MMP16: variants seen among roughly 807,000 people sequenced by gnomAD.
The protein encoded by MMP16 is matrix metalloproteinase-16.
Under a neutral mutation model 67.8 loss-of-function variants are expected in MMP16, and 12 were observed. That is an observed-to-expected ratio of 0.18 (90% CI 0.11 to 0.29). MMP16 has a LOEUF of 0.29. MMP16 is among the 10% of genes least tolerant of loss of function. The pLI is 1.00. For synonymous variants in MMP16, 249 were observed against 255.9 expected (o/e 0.97, Z 0.26); for missense variants, 475 against 765.7 (o/e 0.62, Z 4.48).
chr8:88,254,388 A>G (rs1335461657), intron 1 of MMP16, among the ~76,000 whole-genome samples: 1 of 151,926 alleles, frequency 6.6e-6, no homozygotes, highest in Non-Finnish European at 1.5e-5. Context: ...GAAATAATCC[A>G]TACAACAAAC....
chr8:88,259,723 T>C (rs1270292993), intron 1 of MMP16, among the ~76,000 whole-genome samples: 1 of 152,150 alleles, frequency 6.6e-6, no homozygotes, highest in Non-Finnish European at 1.5e-5. Context: ...TTAAATACTA[T>C]GCGGACATAA....
intron 1 of MMP16, among the ~76,000 whole-genome samples, chr8:88,248,136 T>C (rs1810149211): frequency 6.6e-6 from 1 of 152,068 alleles, no homozygotes. Context: ...TCTGTCATCA[T>C]CTACCCACTT....
chr8:88,201,362 T>G (rs1313843134), intron 1 of MMP16, among the ~76,000 whole-genome samples: 2 of 152,068 alleles, frequency 1.3e-5, no homozygotes, highest in Non-Finnish European at 2.9e-5. Context: ...ATTTCAAGTA[T>G]AGTTAATTTC....
intron 6 of MMP16, among the ~76,000 whole-genome samples, chr8:88,081,316 AT>A (rs1224308668): frequency 6.6e-6 from 1 of 152,214 alleles, no homozygotes; most frequent in African/African-American, 2.4e-5. Context: ...GAACTGACTC[AT>A]TCTTTTAGTC....
At chr8:88,201,747 G>A (rs748090619) in intron 1 of MMP16, among the ~76,000 whole-genome samples, 13 of 151,956 alleles carry the variant, frequency 8.6e-5, no homozygotes, top group East Asian at 1.9e-4. Flanking sequence ...ACTTATAAAC[G>A]CACTGGCTAA....
At chr8:88,245,627 C>A (rs1300618584) in intron 1 of MMP16, among the ~76,000 whole-genome samples, 1 of 152,150 alleles carries the variant, frequency 6.6e-6, no homozygotes, top group Non-Finnish European at 1.5e-5. Context: ...TCAGCAGAGT[C>A]CCCTAAAATG....
At chr8:88,205,923 C>A (rs1001955555) in intron 1 of MMP16, among the ~76,000 whole-genome samples, 1 of 151,908 alleles carries the variant, frequency 6.6e-6, no homozygotes, top group Non-Finnish European at 1.5e-5. Flanking sequence ...ATTCTTTTTT[C>A]TTTTACCTCA....
At chr8:88,305,178 A>C (rs542365754) in intron 1 of MMP16, among the ~76,000 whole-genome samples, 1 of 152,202 alleles carries the variant, frequency 6.6e-6, no homozygotes, top group Non-Finnish European at 1.5e-5. Flanking sequence ...TAAACCAACA[A>C]AGATCAAAAA....
chr8:88,225,588 T>C (rs1809756545), intron 1 of MMP16, among the ~76,000 whole-genome samples: 1 of 151,990 alleles, frequency 6.6e-6, no homozygotes, highest in African/African-American at 2.4e-5. Context: ...TACATCATGA[T>C]CATTTCCATG....
intron 1 of MMP16, among the ~76,000 whole-genome samples, chr8:88,269,599 T>C (rs1563579343): frequency 6.6e-6 from 1 of 152,194 alleles, no homozygotes; most frequent in South Asian, 2.1e-4. Context: ...CAATTGTTAC[T>C]ATACAACAGA....
chr8:88,236,076 G>A (rs1401183459), intron 1 of MMP16, among the ~76,000 whole-genome samples: 2 of 152,194 alleles, frequency 1.3e-5, no homozygotes, highest in Non-Finnish European at 2.9e-5. Flanking sequence ...AGTCTTAAAA[G>A]TGATGATTTA....
intron 8 of MMP16, among the ~76,000 whole-genome samples, chr8:88,053,396 C>T (rs74833083): frequency 6.6e-5 from 10 of 152,278 alleles, no homozygotes; most frequent in African/African-American, 2.4e-4. Context: ...ACTCATCATT[C>T]GCTATTGCGC....
intron 1 of MMP16, among the ~76,000 whole-genome samples, chr8:88,299,744 A>G (rs1393157166): frequency 6.6e-6 from 1 of 152,218 alleles, no homozygotes; most frequent in African/African-American, 2.4e-5. Flanking sequence ...ACAATAGATA[A>G]TAACTTTTCT....
At chr8:88,299,253 C>A (rs73692219) in intron 1 of MMP16, among the ~76,000 whole-genome samples, 1 of 151,980 alleles carries the variant, frequency 6.6e-6, no homozygotes, top group East Asian at 1.9e-4. Context: ...AAAGTGAATG[C>A]ATAAACCCTG....
intron 6 of MMP16, among the ~76,000 whole-genome samples, chr8:88,101,201 C>A (rs1289710903): frequency 6.6e-6 from 1 of 151,834 alleles, no homozygotes; most frequent in Non-Finnish European, 1.5e-5. Flanking sequence ...TGGAGTCATA[C>A]AGGTGTCCTA....
intron 1 of MMP16, among the ~76,000 whole-genome samples, chr8:88,201,360 T>C (rs2129792130): frequency 6.6e-6 from 1 of 152,144 alleles, no homozygotes; most frequent in East Asian, 1.9e-4. Flanking sequence ...TTATTTCAAG[T>C]ATAGTTAATT....
At chr8:88,158,906 C>A (rs1368551124) in intron 4 of MMP16, among the ~76,000 whole-genome samples, 1 of 152,152 alleles carries the variant, frequency 6.6e-6, no homozygotes, top group Non-Finnish European at 1.5e-5. Context: ...TTCCCAGCAC[C>A]ATTTATTAAA....
At chr8:88,302,601 T>C (rs1440422584) in intron 1 of MMP16, among the ~76,000 whole-genome samples, 1 of 151,560 alleles carries the variant, frequency 6.6e-6, no homozygotes, top group Non-Finnish European at 1.5e-5. Flanking sequence ...AAGAAGGGGA[T>C]GAAAAAAAGT....
At chr8:88,098,519 C>G (rs1160552707) in intron 6 of MMP16, among the ~76,000 whole-genome samples, 1 of 151,972 alleles carries the variant, frequency 6.6e-6, no homozygotes. Flanking sequence ...AGGTTAACTC[C>G]ACATATCAGA....
Sources: gnomAD v4.1 joint callset for allele counts (sites outside exome capture counted in the v4.1 genomes callset) on GRCh38, gnomAD v4.1.1 for gene constraint, MANE v1.5 for transcripts, NCBI Gene and HGNC (gene_info 2026-07-23, HGNC 2026-07-21) for gene names.